MYF6: variants seen among roughly 807,000 people sequenced by gnomAD.
MYF6 encodes the protein class C basic helix-loop-helix protein 4.
A neutral mutation model predicts 21.7 loss-of-function variants in MYF6; 20 were observed. The ratio of observed to expected loss-of-function variants is 0.92; its 90% CI spans 0.65 to 1.34. The LOEUF (loss-of-function observed/expected upper bound fraction) is 1.34. Among genes scored for constraint, MYF6 ranks in the 40% most tolerant of loss-of-function variants. MYF6 has a pLI of 0.00. For missense variants in MYF6, 320 were observed against 304.1 expected, an observed-to-expected ratio of 1.05 and a Z score of -0.39; for synonymous variants, 124 against 124.7, an observed-to-expected ratio of 0.99 and a Z score of 0.04.
In MYF6 at chr12:80,708,061, G is replaced by A. The variant is rs764527954; in HGVS notation, c.342G>A (p.Glu114=). ...TAAAGAAAATCAACGAGGCCTTCGA[G>A]GCACTGAAGCGGCGAACTGTGGCCA... ...RRLKKINEAF[E]ALKRRTVANP... Residue 114 remains glutamate, a synonymous_variant, in exon 1 of 3, where the codon GAG becomes GAA. Transcript: ENST00000228641. 1.2e-6 allele frequency: 2 copies of A among 1,614,168 alleles called. No homozygotes were observed. Among genetic ancestry groups the A allele is most frequent in the Admixed American group, 3.3e-5 (2 of 60,034 alleles).
chr12:80,707,916 C>G lies in MYF6; in HGVS notation c.197C>G (p.Pro66Arg). ...GGAGAGGAACATGTCCTGGCGCCCC[C>G]GGGCCTGCAGCCTCCACACTGCCCC... ...SSGEEHVLAP[P>R]GLQPPHCPGQ... The change falls in exon 1 of 3, where the codon CCG (proline) becomes CGG (arginine). Residue 66 changes from proline (P) to arginine (R), a missense_variant. Transcript: ENST00000228641. 6.2e-7 allele frequency: 1 copy of G among 1,614,160 alleles called. No individual in the cohort carries two copies. Among genetic ancestry groups the G allele is most frequent in the Non-Finnish European group, 8.5e-7 (1 of 1,180,028 alleles).
chr12:80,708,727 C>G, intron 2 of MYF6, 113 bp downstream of exon 2: 1 of 1,520,090 alleles, frequency 6.6e-7, no homozygotes. Flanking sequence ...AAAGGGCGCT[C>G]TTTGCGCGCC....
At position 80,709,133 on chromosome 12, in the gene MYF6, T is replaced by C; in HGVS notation, c.*173T>C. On this transcript the variant is annotated 3_prime_UTR_variant, in exon 3 of 3. Transcript: ENST00000228641. ...GAAACGTTGCGAAAATTGCGAAATC[T>C]GTTGTGCATGCTCAAATGAAAACGC... 3.2e-6 allele frequency: 2 copies of C among 622,662 alleles called. No homozygotes were observed. Among genetic ancestry groups the C allele is most frequent in the Non-Finnish European group, 5.7e-6 (2 of 350,364 alleles). The allele number at this position is 622,662 out of a possible 1,614,324, so 38.6% of individuals were successfully genotyped here. A position where few individuals can be genotyped will look rare whatever the true frequency, so the allele number is the denominator to read the frequency against.
chr12:80,707,718 A>G lies in MYF6; in HGVS notation c.-2A>G. 1.2e-6 allele frequency: 2 copies of G among 1,614,230 alleles called. No individual in the cohort carries two copies. Among genetic ancestry groups the G allele is most frequent in the Middle Eastern group, 3.3e-4 (2 of 6,058 alleles). On this transcript the variant is annotated 5_prime_UTR_variant, in exon 1 of 3. Coordinates refer to ENST00000228641, the MANE Select transcript of MYF6 (RefSeq NM_002469.3). Reference sequence around the variant, plus strand: ...ATCGAGTCAGAGGCCAAGGAGGAGAACATGATGATGGACCTTTTTGAAACT... The same window carrying G: ...ATCGAGTCAGAGGCCAAGGAGGAGAGCATGATGATGGACCTTTTTGAAACT...
intron 1 of MYF6, 40 bp downstream of exon 1, chr12:80,708,278 T>A: frequency 6.3e-7 from 1 of 1,590,190 alleles, no homozygotes; most frequent in Non-Finnish European, 8.5e-7. Context: ...ATGCGAAGGC[T>A]GATTAAACGC....
rs939097257 is a variant in MYF6 at position 80,709,076 on chromosome 12, G to A, written c.*116G>A. ...AACATTTAGGAACCCAGACCGAAAA[G>A]TTGCTGAAAGGGAAGGAGACACATT... On this transcript the variant is annotated 3_prime_UTR_variant, in exon 3 of 3. Coordinates refer to ENST00000228641, the MANE Select transcript of MYF6 (RefSeq NM_002469.3). The A allele has an allele frequency of 1.2e-6, 1 of 843,346 alleles. No homozygotes were observed. Among genetic ancestry groups the A allele is most frequent in the East Asian group, 2.6e-5 (1 of 38,096 alleles). 52.2% of individuals were successfully genotyped at this position (843,346 alleles called of 1,614,324 possible). A position where few individuals can be genotyped will look rare whatever the true frequency, so the allele number is the denominator to read the frequency against.
chr12:80,708,462 C>T (rs1366407892), intron 1 of MYF6, 62 bp from the exon 2 acceptor site: 2 of 1,290,714 alleles, frequency 1.5e-6, no homozygotes, highest in Non-Finnish European at 2.3e-6. Context: ...CCCCCCACCC[C>T]ACCCCAACCC....
rs771371392 is a variant in MYF6, at chr12:80,708,557, T to C, written c.553T>C (p.Ser185Pro). ...TGCGGATTTCCTGCGCACCTGCAGC[T>C]CCCAGTGGCCAAGTGTTTCCGATCA... Reference protein sequence around the residue: ...EGADFLRTCSSQWPSVSDHSR... With the variant: ...EGADFLRTCSPQWPSVSDHSR... Residue 185 changes from serine (S) to proline (P), a missense_variant, in exon 2 of 3, where the codon TCC becomes CCC. Ser to Pro is a moderately conservative substitution (Grantham distance 74). Transcript: ENST00000228641. The C allele has an allele frequency of 6.2e-7, 1 of 1,612,462 alleles. No individual in the cohort carries two copies. The highest frequency in any genetic ancestry group is 2.2e-5 in the East Asian group (1 of 44,712).
Position 80,708,219 on chromosome 12 carries a change from A to G in MYF6, c.500A>G (p.Tyr167Cys), listed in dbSNP as rs779667540. The change falls in exon 1 of 3, where the codon TAC becomes TGC. Residue 167 changes from tyrosine to cysteine, a missense_variant. Physicochemically the swap from Tyr to Cys is radical, Grantham distance 194. Coordinates refer to ENST00000228641, the MANE Select transcript of MYF6 (RefSeq NM_002469.3). ...MQELGVDPFS[Y>C]RPKQENLEGA... ...GAGCTGGGGGTGGACCCCTTCAGCTACAGACCCAAACAAGAAAATGTAAGC... is the reference window on the plus strand; with the variant it reads ...GAGCTGGGGGTGGACCCCTTCAGCTGCAGACCCAAACAAGAAAATGTAAGC... 3.1e-6 allele frequency: 5 copies of G among 1,611,742 alleles called. No homozygotes were observed. In the South Asian group the frequency reaches 3.3e-5, roughly 11 times the overall value.
rs1258811564 is a variant in MYF6 at position 80,708,571 on chromosome 12, T to C, written c.567T>C (p.Ser189=). 1 of 1,613,748 alleles carries C rather than the reference T, an allele frequency of 6.2e-7. No individual in the cohort carries two copies. The highest frequency in any genetic ancestry group is 2.2e-5 in the East Asian group (1 of 44,820). Residue 189 remains serine (S), a synonymous_variant, in exon 2 of 3, where the codon AGT becomes AGC. Transcript: ENST00000228641. ...GCACCTGCAGCTCCCAGTGGCCAAG[T>C]GTTTCCGATCATTCCAGGGGGCTCG... ...FLRTCSSQWP[S]VSDHSRGLVI...
At chr12:80,708,784 G>A in intron 2 of MYF6, 58 bp from the exon 3 acceptor site, 1 of 1,576,542 alleles carries the variant, frequency 6.3e-7, no homozygotes, top group South Asian at 1.1e-5. Flanking sequence ...CGCGGGGCGC[G>A]GAGCTGCTTC....
chr12:80,708,936 C>T lies in MYF6; in HGVS notation c.705C>T (p.Cys235=). The T allele has an allele frequency of 6.2e-7, 1 of 1,613,932 alleles. No individual in the cohort carries two copies. ...CCTCGGAGGAACGCAAACTCCCCTGCGTGGAGGAAGTGGTGGAGAAGTAAC... is the reference window on the plus strand; with the variant it reads ...CCTCGGAGGAACGCAAACTCCCCTGTGTGGAGGAAGTGGTGGAGAAGTAAC... ...SISSEERKLP[C]VEEVVEK Residue 235 remains cysteine (C), a synonymous_variant, in exon 3 of 3, where the codon TGC becomes TGT. Transcript: ENST00000228641.
At position 80,709,079 on chromosome 12, in the gene MYF6, GCT is replaced by G; in HGVS notation, c.*120_*121del. The G allele has an allele frequency of 1.2e-6, 1 of 825,790 alleles. No individual in the cohort carries two copies. Among genetic ancestry groups the G allele is most frequent in the Non-Finnish European group, 2.0e-6 (1 of 497,370 alleles). 51.2% of individuals were successfully genotyped at this position (825,790 alleles called of 1,614,324 possible). On this transcript the variant is annotated 3_prime_UTR_variant, in exon 3 of 3. Transcript: ENST00000228641. ...ATTTAGGAACCCAGACCGAAAAGTT[GCT>G]GAAAGGGAAGGAGACACATTCACAA...
At position 80,708,712 on chromosome 12, in the gene MYF6, T is replaced by C; in HGVS notation, c.610+98T>C. On this transcript the variant is annotated intron_variant, in intron 2 of 2. Transcript: ENST00000228641. ...TCGAAGCGAGAGCAGGGACGCGCCCTGCGAAAAGGGCGCTCTTTGCGCGCC... is the reference window on the plus strand; with the variant it reads ...TCGAAGCGAGAGCAGGGACGCGCCCCGCGAAAAGGGCGCTCTTTGCGCGCC... 8 of 1,526,198 alleles carry C rather than the reference T, an allele frequency of 5.2e-6. No individual in the cohort carries two copies. In the Admixed American group the frequency reaches 1.3e-4, roughly 26 times the overall value. 94.5% of individuals were successfully genotyped at this position (1,526,198 alleles called of 1,614,324 possible).
At position 80,708,101 on chromosome 12, in the gene MYF6, C is replaced by T; in HGVS notation, c.382C>T (p.Leu128=). ...AACTGTGGCCAACCCCAACCAGAGG[C>T]TGCCCAAGGTGGAGATTCTGCGGAG... The part of the protein sequence containing the change: ...RRTVANPNQR[L]PKVEILRSAI... Residue 128 remains leucine, a synonymous_variant, in exon 1 of 3, where the codon CTG becomes TTG. Transcript: ENST00000228641. The T allele has an allele frequency of 6.2e-7, 1 of 1,614,210 alleles. No homozygotes were observed.
Position 80,707,919 on chromosome 12 carries a change from G to A in MYF6, c.200G>A (p.Gly67Asp). 2 of 1,614,162 alleles carry A rather than the reference G, an allele frequency of 1.2e-6. No individual in the cohort carries two copies. Among genetic ancestry groups the A allele is most frequent in the Non-Finnish European group, 1.7e-6 (2 of 1,180,028 alleles). ...GAGGAACATGTCCTGGCGCCCCCGG[G>A]CCTGCAGCCTCCACACTGCCCCGGC... ...SGEEHVLAPP[G>D]LQPPHCPGQC... Residue 67 changes from glycine (G) to aspartate (D), a missense_variant, in exon 1 of 3, where the codon GGC becomes GAC. Coordinates refer to ENST00000228641, the MANE Select transcript of MYF6 (RefSeq NM_002469.3).
At position 80,709,147 on chromosome 12, in the gene MYF6, A is replaced by C; in HGVS notation, c.*187A>C. On this transcript the variant is annotated 3_prime_UTR_variant, in exon 3 of 3. Coordinates refer to ENST00000228641, the MANE Select transcript of MYF6 (RefSeq NM_002469.3). ...ATTGCGAAATCTGTTGTGCATGCTCAAATGAAAACGCCTTTCGGCTTTGGG... is the reference window on the plus strand; with the variant it reads ...ATTGCGAAATCTGTTGTGCATGCTCCAATGAAAACGCCTTTCGGCTTTGGG... The C allele has an allele frequency of 1.7e-6, 1 of 590,570 alleles. No individual in the cohort carries two copies. The highest frequency in any genetic ancestry group is 2.9e-5 in the East Asian group (1 of 34,520). The allele number at this position is 590,570 out of a possible 1,614,324, so 36.6% of individuals were successfully genotyped here.
At position 80,708,604 on chromosome 12, in the gene MYF6, G is replaced by T; in HGVS notation, c.600G>T (p.Thr200=). Residue 200 remains threonine (T), a synonymous_variant, in exon 2 of 3, where the codon ACG becomes ACT. Coordinates refer to ENST00000228641, the MANE Select transcript of MYF6 (RefSeq NM_002469.3). ...ATCATTCCAGGGGGCTCGTGATAAC[G>T]GCTAAGGAAGGTAAAGTAAAAGGGC... ...VSDHSRGLVI[T]AKEGGASIDS... The T allele has an allele frequency of 6.2e-7, 1 of 1,614,136 alleles. No individual in the cohort carries two copies. Among genetic ancestry groups the T allele is most frequent in the South Asian group, 1.1e-5 (1 of 91,084 alleles).
chr12:80,709,047 C>T lies in MYF6; in HGVS notation c.*87C>T. 9.3e-7 allele frequency: 1 copy of T among 1,070,038 alleles called. No individual in the cohort carries two copies. The highest frequency in any genetic ancestry group is 1.3e-5 in the South Asian group (1 of 77,680). 66.3% of individuals were successfully genotyped at this position (1,070,038 alleles called of 1,614,324 possible). A position where few individuals can be genotyped will look rare whatever the true frequency, so the allele number is the denominator to read the frequency against. On this transcript the variant is annotated 3_prime_UTR_variant, in exon 3 of 3. Coordinates refer to ENST00000228641, the MANE Select transcript of MYF6 (RefSeq NM_002469.3). ...TAATCCTTTAGATTAGGTCACATTA[C>T]ATTAACATTTAGGAACCCAGACCGA...
Sources: gnomAD v4.1 joint callset for allele counts on GRCh38, gnomAD v4.1.1 for gene constraint, MANE v1.5 for transcripts, NCBI Gene and HGNC (gene_info 2026-07-23, HGNC 2026-07-21) for gene names.